The following AGBL4 variants were observed in gnomAD, a reference collection of about 807,000 sequenced individuals.
AGBL4 encodes the protein AGBL carboxypeptidase 4, also known as cytosolic carboxypeptidase 6.
AGBL4 carries 58 observed loss-of-function variants against 66.4 expected under a neutral mutation model. The observed-to-expected ratio is 0.87, with a 90% CI of 0.71 to 1.09. The LOEUF is 1.09. Among genes scored for constraint, AGBL4 ranks in the 50% least tolerant of loss-of-function variants. AGBL4 has a pLI of 0.00. For missense variants in AGBL4, 579 were observed against 631.0 expected (o/e 0.92, Z 0.88); for synonymous variants, 234 against 222.9 (o/e 1.05, Z -0.44).
chr1:49,830,296 T>C (rs1435975657), intron 2 of AGBL4, among the ~76,000 whole-genome samples: 1 of 149,818 alleles, frequency 6.7e-6, no homozygotes, highest in African/African-American at 2.6e-5. Flanking sequence ...GACTTTTTAA[T>C]GATCACCATT....
intron 2 of AGBL4, among the ~76,000 whole-genome samples, chr1:49,799,243 G>GA: frequency 1.3e-5 from 2 of 151,972 alleles, no homozygotes; most frequent in Middle Eastern, 3.4e-3. Flanking sequence ...TTCACTATGG[G>GA]AAAATAACAT....
intron 4 of AGBL4, among the ~76,000 whole-genome samples, chr1:49,061,288 AACCT>A (rs1488666724): frequency 6.6e-6 from 1 of 152,180 alleles, no homozygotes; most frequent in Non-Finnish European, 1.5e-5. Context: ...AGTGAGGGCT[AACCT>A]ACCAGGAATA....
chr1:48,588,390 AGTTGACTTACTT>A (rs1311352855), intron 10 of AGBL4, among the ~76,000 whole-genome samples: 2 of 152,314 alleles, frequency 1.3e-5, no homozygotes, highest in Non-Finnish European at 2.9e-5. Context: ...ATGTCAGGCA[AGTTGACTTACTT>A]GTCTTAGTCT....
chr1:48,824,141 A>G (rs964375161), intron 6 of AGBL4, among the ~76,000 whole-genome samples: 2 of 152,102 alleles, frequency 1.3e-5, no homozygotes. Flanking sequence ...TGAACACCTA[A>G]TATATGCCAC....
chr1:49,628,544 G>T (rs1645508102), intron 3 of AGBL4, among the ~76,000 whole-genome samples: 1 of 152,138 alleles, frequency 6.6e-6, no homozygotes, highest in African/African-American at 2.4e-5. Flanking sequence ...TGAAGAGGAT[G>T]GGGTTCCTAA....
intron 3 of AGBL4, chr1:49,469,802 C>T (rs1646705057): frequency 6.6e-6 from 1 of 151,892 alleles, no homozygotes; most frequent in Non-Finnish European, 1.5e-5. Context: ...TTCTCACCTC[C>T]ATTCACTGCT....
At chr1:48,582,492 C>G (rs141717139) in intron 11 of AGBL4, among the ~76,000 whole-genome samples, 53 of 152,232 alleles carry the variant, frequency 3.5e-4, no homozygotes, top group African/African-American at 1.3e-3. Flanking sequence ...GGAGGCAACC[C>G]GTAATAGCGT....
intron 1 of AGBL4, among the ~76,000 whole-genome samples, chr1:49,982,073 T>C (rs1186325587): frequency 6.6e-6 from 1 of 152,238 alleles, no homozygotes; most frequent in Non-Finnish European, 1.5e-5. Flanking sequence ...GGGTATTTCT[T>C]AATGTGAGAA....
chr1:48,585,722 C>T (rs1644807770), intron 11 of AGBL4: 1 of 152,278 alleles, frequency 6.6e-6, no homozygotes, highest in Non-Finnish European at 1.5e-5. Context: ...AACACCTGGC[C>T]TACCCCCTGA....
At chr1:49,002,302 A>G (rs1436477248) in intron 5 of AGBL4, among the ~76,000 whole-genome samples, 1 of 152,070 alleles carries the variant, frequency 6.6e-6, no homozygotes, top group Non-Finnish European at 1.5e-5. Flanking sequence ...AGTTTGTTGG[A>G]CCCCTTTAAT....
chr1:49,787,884 G>A (rs994786430), intron 2 of AGBL4, among the ~76,000 whole-genome samples: 4 of 151,994 alleles, frequency 2.6e-5, no homozygotes, highest in South Asian at 2.1e-4. Context: ...TTGCGGGGAA[G>A]GGGGTGTCAG....
At chr1:48,756,885 G>A (rs898108331) in intron 6 of AGBL4, among the ~76,000 whole-genome samples, 3 of 152,200 alleles carry the variant, frequency 2.0e-5, no homozygotes, top group Admixed American at 2.0e-4. Context: ...AATGATGATG[G>A]TGACTCAGAT....
intron 4 of AGBL4, among the ~76,000 whole-genome samples, chr1:49,064,237 A>C (rs925355675): frequency 4.6e-5 from 7 of 152,242 alleles, no homozygotes; most frequent in African/African-American, 1.7e-4. Context: ...TGGATGATCC[A>C]CATCTATTTC....
chr1:49,640,951 CT>C (rs1361800021), intron 3 of AGBL4, among the ~76,000 whole-genome samples: 2 of 152,050 alleles, frequency 1.3e-5, no homozygotes, highest in Non-Finnish European at 2.9e-5. Context: ...TAGAACAATC[CT>C]TGCGATGGGA....
intron 1 of AGBL4, among the ~76,000 whole-genome samples, chr1:49,977,820 T>C (rs1380246949): frequency 6.6e-6 from 1 of 152,252 alleles, no homozygotes; most frequent in African/African-American, 2.4e-5. Flanking sequence ...AAGGTATTCT[T>C]CCAATAACCT....
chr1:48,538,431 A>T (rs546775730), intron 12 of AGBL4, among the ~76,000 whole-genome samples: 66 of 152,330 alleles, frequency 4.3e-4, no homozygotes, highest in Non-Finnish European at 7.1e-4. Flanking sequence ...AAAAGCTTCA[A>T]GAGGCCAAGA....
At chr1:49,938,014 A>G (rs1196929573) in intron 1 of AGBL4, among the ~76,000 whole-genome samples, 1 of 149,928 alleles carries the variant, frequency 6.7e-6, no homozygotes, top group Non-Finnish European at 1.5e-5. Context: ...ACTGAAGAAA[A>G]TAGAGACAAA....
chr1:49,416,097 T>C (rs1020067859), intron 3 of AGBL4, among the ~76,000 whole-genome samples: 3 of 152,110 alleles, frequency 2.0e-5, no homozygotes, highest in East Asian at 1.9e-4. Flanking sequence ...TATATGAATA[T>C]AGTCTTTGTT....
chr1:49,247,169 A>T (rs1209411536), intron 3 of AGBL4, among the ~76,000 whole-genome samples: 1 of 152,036 alleles, frequency 6.6e-6, no homozygotes, highest in African/African-American at 2.4e-5. Flanking sequence ...AAAATTCCAT[A>T]ACCCTAAACA....
Sources: gnomAD v4.1 joint callset for allele counts (sites outside exome capture counted in the v4.1 genomes callset) on GRCh38, gnomAD v4.1.1 for gene constraint, MANE v1.5 for transcripts, NCBI Gene and HGNC (gene_info 2026-07-23, HGNC 2026-07-21) for gene names.